Variants in CLDN10 observed in about 807,000 individuals in gnomAD.
CLDN10 encodes claudin-10.
Under a neutral mutation model 22.9 loss-of-function variants are expected in CLDN10, and 15 were observed. That is an observed-to-expected ratio of 0.65 (90% CI 0.44 to 1.01). The LOEUF is 1.01. Ranked by LOEUF, CLDN10 falls within the 50% of genes least tolerant of loss-of-function variation. The pLI, the probability that CLDN10 is intolerant of heterozygous loss-of-function variation, is 0.00. For missense variants in CLDN10, 247 were observed against 287.8 expected (o/e 0.86, Z 1.03); for synonymous variants, 114 against 111.4 (o/e 1.02, Z -0.15).
chr13:95,560,201 C>T lies in CLDN10; in HGVS notation c.290C>T (p.Ala97Val), dbSNP rs142536284. ...VSLGFFGSIF[A>V]LFGMKCTKVG... ...CTGGGCTTCTTTGGTTCCATATTTG[C>T]GCTCTTTGGAATGAAGTGTACCAAA... Residue 97 changes from alanine to valine, a missense_variant, in exon 2 of 5, where the codon GCG becomes GTG. Physicochemically the swap from Ala to Val is moderately conservative, Grantham distance 64. Coordinates refer to ENST00000299339, the MANE Select transcript of CLDN10 (RefSeq NM_006984.5). 7.4e-6 allele frequency: 12 copies of T among 1,614,004 alleles called. No homozygotes were observed. Among genetic ancestry groups the T allele is most frequent in the African/African-American group, 1.3e-5 (1 of 74,932 alleles).
intron 1 of CLDN10, among the ~76,000 whole-genome samples, chr13:95,514,044 G>A (rs577186363): frequency 4.0e-4 from 61 of 152,238 alleles, no homozygotes; most frequent in African/African-American, 1.3e-3. Flanking sequence ...GATGGCTTAA[G>A]CTCAGGAATT....
chr13:95,552,983 C>T lies in CLDN10; in HGVS notation c.220+10C>T. 1.2e-6 allele frequency: 2 copies of T among 1,612,984 alleles called. No individual in the cohort carries two copies. Among genetic ancestry groups the T allele is most frequent in the Non-Finnish European group, 1.7e-6 (2 of 1,179,764 alleles). ...ATGCTGGCGCTGGACGGTCTGCATC[C>T]CCGCGGCCCCCGCCCTCAGCCCTCC... On this transcript the variant is annotated intron_variant, in intron 1 of 4. Coordinates refer to ENST00000299339, the MANE Select transcript of CLDN10 (RefSeq NM_006984.5).
chr13:95,519,962 G>A (rs2043207680), intron 1 of CLDN10, among the ~76,000 whole-genome samples: 2 of 152,196 alleles, frequency 1.3e-5, no homozygotes, highest in South Asian at 4.1e-4. Flanking sequence ...TGCAAAGAAA[G>A]AGTTGCTCAT....
intron 1 of CLDN10, among the ~76,000 whole-genome samples, chr13:95,495,044 T>TTAATTA (rs748187218): frequency 6.9e-6 from 1 of 144,252 alleles, no homozygotes; most frequent in African/African-American, 2.5e-5. Context: ...AATTAATTAA[T>TTAATTA]TTTTTTTTTT....
chr13:95,438,201 G>A (rs370647309), intron 1 of CLDN10, among the ~76,000 whole-genome samples: 28 of 152,230 alleles, frequency 1.8e-4, no homozygotes, highest in African/African-American at 2.2e-4. Context: ...CTATAGGCAC[G>A]TGCCACCATG....
At chr13:95,449,827 T>C (rs938260063) in intron 1 of CLDN10, among the ~76,000 whole-genome samples, 1 of 149,076 alleles carries the variant, frequency 6.7e-6, no homozygotes, top group Non-Finnish European at 1.5e-5. Flanking sequence ...CACTGCAAGC[T>C]CCGCCTCCCG....
chr13:95,513,747 C>G (rs893595550), intron 1 of CLDN10, among the ~76,000 whole-genome samples: 1 of 143,044 alleles, frequency 7.0e-6, no homozygotes, highest in Non-Finnish European at 1.6e-5. Context: ...TTGAGATAGA[C>G]CTTTTCTCAT....
At chr13:95,576,837 A>G (rs994601924) in intron 3 of CLDN10, among the ~76,000 whole-genome samples, 5 of 152,376 alleles carry the variant, frequency 3.3e-5, no homozygotes, top group South Asian at 4.1e-4. Context: ...TGAAAGCAAA[A>G]GCAACCTTTT....
In CLDN10 at chr13:95,572,880, T is replaced by G. The variant is rs879229428; in HGVS notation, c.465-4351T>G. Among the ~76,000 whole-genome samples, 7 of 152,172 alleles carry G rather than the reference T, an allele frequency of 4.6e-5. 1 individual carries two copies. The highest frequency in any genetic ancestry group is 4.6e-4 in the Admixed American group (7 of 15,284). The stretch of plus-strand genomic sequence containing the variant: ...GCTCCCCATGGATGGCAAACCTAAC[T>G]CAGAATAGGGATTTGGGTGCCAGGA... On this transcript the variant is annotated intron_variant, in intron 3 of 4. Transcript: ENST00000299339.
intron 1 of CLDN10, among the ~76,000 whole-genome samples, chr13:95,454,526 C>T (rs1159731021): frequency 1.3e-5 from 2 of 152,118 alleles, no homozygotes. Flanking sequence ...GGTGCAGGCT[C>T]CCCTCCCCTC....
rs1232464883 is a variant in CLDN10, at chr13:95,560,299, T to C, written c.382+6T>C. The C allele has an allele frequency of 1.9e-6, 3 of 1,614,006 alleles. No individual in the cohort carries two copies. The highest frequency in any genetic ancestry group is 2.5e-6 in the Non-Finnish European group (3 of 1,179,850). On this transcript the variant is annotated splice_donor_region_variant and intron_variant, in intron 2 of 4. Transcript: ENST00000299339. ...GATTGTATTCATACTGTCAGGTAAATAGTAACTTTCTTCCAAACAAGGTAC... is the reference window on the plus strand; with the variant it reads ...GATTGTATTCATACTGTCAGGTAAACAGTAACTTTCTTCCAAACAAGGTAC...
intron 1 of CLDN10, among the ~76,000 whole-genome samples, chr13:95,495,602 G>A (rs937345140): frequency 6.6e-6 from 1 of 151,482 alleles, no homozygotes; most frequent in African/African-American, 2.4e-5. Flanking sequence ...AATTTAGCCG[G>A]GCATAGTGGC....
chr13:95,537,968 A>G (rs2043417870), intron 1 of CLDN10, among the ~76,000 whole-genome samples: 1 of 152,192 alleles, frequency 6.6e-6, no homozygotes, highest in South Asian at 2.1e-4. Context: ...ACATACAAAC[A>G]GCACTAAATG....
At chr13:95,563,122 C>CTTTT (rs2043739285) in intron 3 of CLDN10, among the ~76,000 whole-genome samples, 1 of 151,652 alleles carries the variant, frequency 6.6e-6, no homozygotes, top group South Asian at 2.1e-4. Context: ...CTCTCTCTCT[C>CTTTT]TCTCTCTCTC....
At chr13:95,486,595 T>C (rs2042807298) in intron 1 of CLDN10, among the ~76,000 whole-genome samples, 1 of 151,782 alleles carries the variant, frequency 6.6e-6, no homozygotes, top group African/African-American at 2.4e-5. Context: ...TTGGTTGGCA[T>C]AGTGATGATC....
rs200066195 is a variant in CLDN10 at position 95,552,828 on chromosome 13, G to A, written c.75G>A (p.Leu25=). ...GCTGGGTACTGGTGTCCTCCACGCTGCCCACCGACTACTGGAAGGTGTCTA... is the reference window on the plus strand; with the variant it reads ...GCTGGGTACTGGTGTCCTCCACGCTACCCACCGACTACTGGAAGGTGTCTA... ...ISGWVLVSST[L]PTDYWKVSTI... The change falls in exon 1 of 5, where the codon CTG becomes CTA. Residue 25 remains leucine (L), a synonymous_variant. Transcript: ENST00000299339. 1 of 1,614,094 alleles carries A rather than the reference G, an allele frequency of 6.2e-7. No homozygotes were observed. Among genetic ancestry groups the A allele is most frequent in the Non-Finnish European group, 8.5e-7 (1 of 1,179,980 alleles).
chr13:95,505,257 C>A (rs151042923), intron 1 of CLDN10, among the ~76,000 whole-genome samples: 161 of 152,294 alleles, frequency 1.1e-3, no homozygotes, highest in Middle Eastern at 0.01. Flanking sequence ...AATTTCCTAA[C>A]TAAAAATATA....
chr13:95,571,868 T>C (rs1338955002), intron 3 of CLDN10, among the ~76,000 whole-genome samples: 1 of 152,204 alleles, frequency 6.6e-6, no homozygotes, highest in African/African-American at 2.4e-5. Context: ...TTTAAGGTAA[T>C]TGGAAAATGC....
At chr13:95,506,817 C>T (rs1439733980) in intron 1 of CLDN10, among the ~76,000 whole-genome samples, 2 of 152,158 alleles carry the variant, frequency 1.3e-5, no homozygotes, top group African/African-American at 2.4e-5. Flanking sequence ...GTTGCCACCC[C>T]ACAAACTCCT....
Sources: allele counts gnomAD v4.1 joint callset (sites outside exome capture counted in the v4.1 genomes callset), GRCh38; gene constraint gnomAD v4.1.1; transcripts MANE v1.5; gene names NCBI Gene and HGNC (gene_info 2026-07-23, HGNC 2026-07-21).